Variants in TSPAN9 observed in about 807,000 individuals in gnomAD.
TSPAN9 encodes the protein tetraspanin 9.
Under a neutral mutation model 31.0 loss-of-function variants are expected in TSPAN9, and 16 were observed. The ratio of observed to expected loss-of-function variants is 0.52; its 90% CI spans 0.35 to 0.78. The LOEUF (loss-of-function observed/expected upper bound fraction) is 0.78. TSPAN9 is among the 30% of genes least tolerant of loss of function. The pLI, the probability that TSPAN9 is intolerant of heterozygous loss-of-function variation, is 0.01. For synonymous variants in TSPAN9, 145 were observed against 121.6 expected (o/e 1.19, Z -1.27); for missense variants, 272 against 312.5 (o/e 0.87, Z 0.98).
At chr12:3,114,569 G>A (rs2153965657) in intron 2 of TSPAN9, among the ~76,000 whole-genome samples, 1 of 152,300 alleles carries the variant, frequency 6.6e-6, no homozygotes, top group African/African-American at 2.4e-5. Flanking sequence ...CCTGCAGTCT[G>A]GCCAGGCATG....
chr12:3,215,904 G>A (rs371224850), intron 3 of TSPAN9, among the ~76,000 whole-genome samples: 3 of 140,824 alleles, frequency 2.1e-5, no homozygotes, highest in South Asian at 4.2e-4. Flanking sequence ...ACGTTCCACC[G>A]GGACCTCTCT....
intron 2 of TSPAN9, among the ~76,000 whole-genome samples, chr12:3,119,764 T>G (rs754256914): frequency 7.2e-5 from 11 of 152,148 alleles, no homozygotes; most frequent in Non-Finnish European, 1.5e-4. Flanking sequence ...CTGAAAGGTG[T>G]GGGTGACTTT....
At chr12:3,244,671 C>T (rs568700106) in intron 3 of TSPAN9, among the ~76,000 whole-genome samples, 2 of 152,358 alleles carry the variant, frequency 1.3e-5, no homozygotes, top group African/African-American at 4.8e-5. Flanking sequence ...CCCAGCCACC[C>T]CCCTAAAGGG....
chr12:3,125,663 A>G (rs2098327031), intron 2 of TSPAN9, among the ~76,000 whole-genome samples: 1 of 151,960 alleles, frequency 6.6e-6, no homozygotes, highest in Non-Finnish European at 1.5e-5. Flanking sequence ...TGTTTGTCAG[A>G]TAGAAGAATT....
At chr12:3,185,104 C>T (rs918698678) in intron 2 of TSPAN9, among the ~76,000 whole-genome samples, 1 of 152,164 alleles carries the variant, frequency 6.6e-6, no homozygotes. Context: ...CCACTTCCAT[C>T]ATGTTTGGTT....
intron 2 of TSPAN9, among the ~76,000 whole-genome samples, chr12:3,176,739 C>T (rs1467396404): frequency 1.3e-5 from 2 of 152,192 alleles, no homozygotes. Flanking sequence ...CAAGAAAAAC[C>T]GAAAGCAGCT....
intron 3 of TSPAN9, among the ~76,000 whole-genome samples, chr12:3,214,898 T>C (rs2098380564): frequency 6.6e-6 from 1 of 151,634 alleles, no homozygotes; most frequent in South Asian, 2.1e-4. Context: ...CTTCCCCCCA[T>C]CCCCCTGAAC....
chr12:3,198,094 G>A (rs1414220019), intron 2 of TSPAN9, among the ~76,000 whole-genome samples: 2 of 89,554 alleles, frequency 2.2e-5, no homozygotes, highest in Non-Finnish European at 4.6e-5. Flanking sequence ...CACCAGCACA[G>A]CTCACCACCA....
intron 3 of TSPAN9, among the ~76,000 whole-genome samples, chr12:3,250,137 T>C (rs544949760): frequency 1.1e-4 from 17 of 152,306 alleles, no homozygotes; most frequent in African/African-American, 3.8e-4. Flanking sequence ...TTTCCTGTCA[T>C]GGCCCTTGTG....
chr12:3,203,426 A>G (rs1390943677), intron 3 of TSPAN9, among the ~76,000 whole-genome samples: 2 of 152,232 alleles, frequency 1.3e-5, no homozygotes, highest in Non-Finnish European at 2.9e-5. Flanking sequence ...AGGCTCTCCG[A>G]GCGCCATAGC....
chr12:3,190,686 T>C (rs758622), intron 2 of TSPAN9, among the ~76,000 whole-genome samples: 151,414 of 152,374 alleles, frequency 0.99, 75,243 homozygotes, highest in Middle Eastern at 1. Flanking sequence ...CCCCCTCTTA[T>C]CTGGTAAACC....
rs1401992420 is a variant in TSPAN9 at position 3,172,355 on chromosome 12, G to A, written c.-17-28822G>A. On this transcript the variant is annotated intron_variant, in intron 2 of 8. Coordinates refer to ENST00000011898, the MANE Select transcript of TSPAN9 (RefSeq NM_006675.5). The surrounding 1 kb of genome is among the most constrained non-coding windows in gnomAD (Gnocchi z 4.8). ...GCTCTGGAGGCAGCCCCGGGGAGCC[G>A]GCATGGTCAGGGTCATGCTGTTTTC... The A allele has an allele frequency of 2.0e-5, 3 of 152,324 alleles. No homozygotes were observed. The highest frequency in any genetic ancestry group is 4.4e-5 in the Non-Finnish European group (3 of 68,148). 9.4% of individuals were successfully genotyped at this position (152,324 alleles called of 1,614,324 possible). A position where few individuals can be genotyped will look rare whatever the true frequency, so the allele number is the denominator to read the frequency against.
intron 2 of TSPAN9, among the ~76,000 whole-genome samples, chr12:3,146,278 G>A (rs2098337204): frequency 6.6e-6 from 1 of 152,216 alleles, no homozygotes. Context: ...GGAGCCCGTT[G>A]GAGGAGGACA....
intron 2 of TSPAN9, among the ~76,000 whole-genome samples, chr12:3,193,658 C>T (rs929257625): frequency 1.3e-5 from 2 of 152,266 alleles, no homozygotes; most frequent in South Asian, 2.1e-4. Context: ...TAAGGGTTCA[C>T]CAGAGACTTG....
intron 2 of TSPAN9, among the ~76,000 whole-genome samples, chr12:3,123,600 T>A (rs1190868010): frequency 6.8e-6 from 1 of 147,736 alleles, no homozygotes; most frequent in African/African-American, 2.5e-5. Flanking sequence ...GATTAAACAA[T>A]TTTTTGGTGG....
intron 2 of TSPAN9, among the ~76,000 whole-genome samples, chr12:3,197,306 C>T (rs532344857): frequency 2.0e-5 from 3 of 152,320 alleles, no homozygotes; most frequent in Admixed American, 1.3e-4. Flanking sequence ...CCCTCAGGAG[C>T]GGCCAGGTGA....
In TSPAN9 at chr12:3,094,755, G is replaced by A. The variant is rs149626420; in HGVS notation, c.-18+11036G>A. On this transcript the variant is annotated intron_variant, in intron 2 of 8. Coordinates refer to ENST00000011898, the MANE Select transcript of TSPAN9 (RefSeq NM_006675.5). ...TCTCCATGTTGGTCAGGCTGGTCTCGAACTCCTGACCTCAGGTGATCCTCC... is the reference window on the plus strand; with the variant it reads ...TCTCCATGTTGGTCAGGCTGGTCTCAAACTCCTGACCTCAGGTGATCCTCC... Among the ~76,000 whole-genome samples, 226 of 150,352 alleles carry A rather than the reference G, an allele frequency of 1.5e-3. 5 individuals carry two copies. In the East Asian group the frequency reaches 0.033, roughly 22 times the overall value.
chr12:3,246,505 T>G (rs1039341285), intron 3 of TSPAN9, among the ~76,000 whole-genome samples: 1 of 152,124 alleles, frequency 6.6e-6, no homozygotes, highest in East Asian at 1.9e-4. Context: ...CCTCTTTCCC[T>G]GGGCAGGGAA....
chr12:3,224,103 A>G (rs2098385948), intron 3 of TSPAN9, among the ~76,000 whole-genome samples: 1 of 152,156 alleles, frequency 6.6e-6, no homozygotes, highest in Non-Finnish European at 1.5e-5. Context: ...TTTTTTCTGA[A>G]TTGATAAGCA....
Sources: gnomAD v4.1 joint callset for allele counts (sites outside exome capture counted in the v4.1 genomes callset) on GRCh38, gnomAD v4.1.1 for gene constraint, Gnocchi (gnomAD v3.1) non-coding constraint, MANE v1.5 for transcripts, NCBI Gene and HGNC (gene_info 2026-07-23, HGNC 2026-07-21) for gene names.